The following LRFN2 variants were observed in gnomAD, a reference collection of about 807,000 sequenced individuals.
LRFN2 encodes leucine-rich repeat and fibronectin type-III domain-containing protein 2.
A neutral mutation model predicts 37.3 loss-of-function variants in LRFN2; 18 were observed. The observed-to-expected ratio is 0.48, with a 90% confidence interval of 0.33 to 0.72. The LOEUF is 0.72. Ranked by LOEUF, LRFN2 falls within the 30% of genes least tolerant of loss-of-function variation. The pLI is 0.02. For missense variants in LRFN2, 1,006 were observed against 1,060.7 expected (o/e 0.95, Z 0.72); for synonymous variants, 556 against 466.6 (o/e 1.19, Z -2.47).
At chr6:40,451,619 T>G (rs537384614) in intron 1 of LRFN2, among the ~76,000 whole-genome samples, 1 of 152,284 alleles carries the variant, frequency 6.6e-6, no homozygotes, top group African/African-American at 2.4e-5. Context: ...AGAGCAGACA[T>G]TTCATTACTA....
chr6:40,431,911 G>A lies in LRFN2; in HGVS notation c.1203C>T (p.Gly401=). ...CACCTCCCCGGCTGGTCTTGCTGGA[G>A]CCAGTGATGTCTGAGAGGCGGGACT... ...PPKSRLSDIT[G]SSKTSRGGGG... Residue 401 remains glycine, a synonymous_variant, in exon 2 of 3, where the codon GGC becomes GGT. Coordinates refer to ENST00000338305, the MANE Select transcript of LRFN2 (RefSeq NM_020737.3). 6.2e-7 allele frequency: 1 copy of A among 1,613,144 alleles called. No homozygotes were observed. The highest frequency in any genetic ancestry group is 8.5e-7 in the Non-Finnish European group (1 of 1,179,566).
intron 1 of LRFN2, among the ~76,000 whole-genome samples, chr6:40,572,037 G>A (rs978147120): frequency 3.3e-5 from 5 of 152,204 alleles, no homozygotes; most frequent in African/African-American, 1.2e-4. Context: ...GGCCCTTCAG[G>A]ACAGCAGCTA....
intron 1 of LRFN2, among the ~76,000 whole-genome samples, chr6:40,562,677 AAC>A (rs1767020315): frequency 6.6e-6 from 1 of 152,124 alleles, no homozygotes; most frequent in African/African-American, 2.4e-5. Flanking sequence ...CTGTCCTGCC[AAC>A]ACACACACAT....
At chr6:40,546,569 G>T (rs1465407318) in intron 1 of LRFN2, among the ~76,000 whole-genome samples, 1 of 152,172 alleles carries the variant, frequency 6.6e-6, no homozygotes, top group Non-Finnish European at 1.5e-5. Flanking sequence ...TCATGAATCA[G>T]ATGAGATAAT....
intron 1 of LRFN2, among the ~76,000 whole-genome samples, chr6:40,451,995 T>A (rs971623016): frequency 6.6e-6 from 1 of 152,176 alleles, no homozygotes; most frequent in Non-Finnish European, 1.5e-5. Context: ...TCCAAGGGTA[T>A]CTCTCCCAAC....
chr6:40,560,366 C>T (rs1257959641), intron 1 of LRFN2, among the ~76,000 whole-genome samples: 1 of 152,162 alleles, frequency 6.6e-6, no homozygotes, highest in Non-Finnish European at 1.5e-5. Context: ...GTGTGAGACA[C>T]CATGCCTGAC....
At chr6:40,465,821 T>C (rs1269222478) in intron 1 of LRFN2, among the ~76,000 whole-genome samples, 5 of 152,240 alleles carry the variant, frequency 3.3e-5, no homozygotes. Context: ...GGGCTTACAC[T>C]GTCCACCCAG....
chr6:40,564,576 C>G (rs9471377), intron 1 of LRFN2, among the ~76,000 whole-genome samples: 2,637 of 152,164 alleles, frequency 0.017, 63 homozygotes, highest in African/African-American at 0.058. Context: ...TCTATCCATC[C>G]CCACCACTAT....
chr6:40,579,629 C>CAT lies in LRFN2; in HGVS notation c.-19+7311_-19+7312insAT, dbSNP rs1399417619. Among the ~76,000 whole-genome samples the CAT allele has an allele frequency of 4.6e-5, 7 of 151,918 alleles. No homozygotes were observed. The East Asian group carries it at 1.4e-3, about 29-fold the overall frequency. On this transcript the variant is annotated intron_variant, in intron 1 of 2. Transcript: ENST00000338305. ...ACACACACAAACACACACACACACA[C>CAT]ACACACACGAGAATGCAGGTGAAGG...
intron 1 of LRFN2, among the ~76,000 whole-genome samples, chr6:40,586,526 G>A (rs1265416966): frequency 6.6e-6 from 1 of 151,612 alleles, no homozygotes; most frequent in East Asian, 1.9e-4. Flanking sequence ...GGGAGTCCCC[G>A]GCGCCCCCAC....
intron 1 of LRFN2, among the ~76,000 whole-genome samples, chr6:40,508,272 A>T (rs149797771): frequency 7.0e-4 from 107 of 152,356 alleles, no homozygotes; most frequent in African/African-American, 2.5e-3. Context: ...GGGGCAGATC[A>T]GGGCTTTGGC....
At chr6:40,512,088 C>T (rs79138300) in intron 1 of LRFN2, among the ~76,000 whole-genome samples, 2,643 of 152,282 alleles carry the variant, frequency 0.017, 23 homozygotes, top group Non-Finnish European at 0.024. Flanking sequence ...TCATCCCCAA[C>T]CCTGCCCAGG....
chr6:40,584,573 G>A (rs1383308819), intron 1 of LRFN2, among the ~76,000 whole-genome samples: 1 of 152,112 alleles, frequency 6.6e-6, no homozygotes, highest in East Asian at 1.9e-4. Flanking sequence ...TCTGCTTCCA[G>A]TCTAGCAGCC....
chr6:40,508,385 T>C (rs1409887394), intron 1 of LRFN2, among the ~76,000 whole-genome samples: 1 of 152,182 alleles, frequency 6.6e-6, no homozygotes, highest in East Asian at 1.9e-4. Context: ...CTCTCTTTCC[T>C]TCCTCTGCTC....
chr6:40,442,614 C>T (rs2113835275), intron 1 of LRFN2, among the ~76,000 whole-genome samples: 1 of 151,944 alleles, frequency 6.6e-6, no homozygotes, highest in African/African-American at 2.4e-5. Flanking sequence ...TGGGTCTCCT[C>T]TCAGACTAGG....
chr6:40,415,292 C>T (rs541002796), intron 2 of LRFN2, among the ~76,000 whole-genome samples: 1 of 152,262 alleles, frequency 6.6e-6, no homozygotes, highest in African/African-American at 2.4e-5. Context: ...ATGGTGCAAT[C>T]TCATCTCACT....
In LRFN2 at chr6:40,432,119, T is replaced by G; in HGVS notation, c.995A>C (p.Asn332Thr). 1 of 1,613,326 alleles carries G rather than the reference T, an allele frequency of 6.2e-7. No individual in the cohort carries two copies. The highest frequency in any genetic ancestry group is 8.5e-7 in the Non-Finnish European group (1 of 1,179,744). ...GTCATAGACAGCGGTCCTTGAGGAG[T>G]TCCCTACCAGGCGGTCATCGGGGGC... ...WVAPDDRLVGNSSRTAVYDNG... is the reference protein window; with the variant it reads ...WVAPDDRLVGTSSRTAVYDNG... Residue 332 changes from asparagine (N) to threonine (T), a missense_variant, in exon 2 of 3, where the codon AAC (asparagine) becomes ACC (threonine). Asn to Thr is a moderately conservative substitution (Grantham distance 65). Coordinates refer to ENST00000338305, the MANE Select transcript of LRFN2 (RefSeq NM_020737.3).
intron 1 of LRFN2, among the ~76,000 whole-genome samples, chr6:40,560,542 ACAGAAGATACTC>A (rs1365117212): frequency 2.0e-5 from 3 of 152,164 alleles, no homozygotes. Flanking sequence ...GATCAGCCAG[ACAGAAGATACTC>A]CAGGAGGCAA....
chr6:40,403,112 GGGT>G (rs1351372821), intron 2 of LRFN2, among the ~76,000 whole-genome samples: 2 of 152,236 alleles, frequency 1.3e-5, no homozygotes, highest in African/African-American at 4.8e-5. Flanking sequence ...ATTGGCTGCT[GGGT>G]GCTAATGTTA....
Sources: gnomAD v4.1 joint callset for allele counts (sites outside exome capture counted in the v4.1 genomes callset) on GRCh38, gnomAD v4.1.1 for gene constraint, MANE v1.5 for transcripts, NCBI Gene and HGNC (gene_info 2026-07-23, HGNC 2026-07-21) for gene names.